Variants in DPP6 observed in about 807,000 individuals in gnomAD.
DPP6 encodes the protein A-type potassium channel modulatory protein DPP6.
Under a neutral mutation model 122.6 loss-of-function variants are expected in DPP6, and 69 were observed. That is an observed-to-expected ratio of 0.56 (90% CI 0.46 to 0.69). The LOEUF is 0.69. DPP6 is among the 30% of genes least tolerant of loss of function. The pLI is 0.00. For synonymous variants in DPP6, 418 were observed against 433.1 expected, an observed-to-expected ratio of 0.97 and a Z score of 0.43; for missense variants, 928 against 1,116.9, an observed-to-expected ratio of 0.83 and a Z score of 2.41.
chr7:154,031,247 C>G (rs1290607431), intron 1 of DPP6, among the ~76,000 whole-genome samples: 1 of 150,290 alleles, frequency 6.7e-6, no homozygotes, highest in Non-Finnish European at 1.5e-5. Flanking sequence ...AACAAGGCTT[C>G]TGTGTTCCTC....
chr7:154,044,945 C>A (rs571115848), intron 1 of DPP6, among the ~76,000 whole-genome samples: 17 of 152,102 alleles, frequency 1.1e-4, no homozygotes, highest in African/African-American at 4.1e-4. Context: ...TGCCAAATTG[C>A]ATATGTTCTG....
the DPP6 span, among the ~76,000 whole-genome samples, chr7:153,806,001 TA>T: frequency 0.27 from 40,866 of 150,918 alleles, 5,956 homozygotes; most frequent in Admixed American, 0.38. Context: ...TAAAGTATAA[TA>T]AAAAAAAATA....
rs1203712414 is a variant in DPP6 at position 154,321,737 on chromosome 7, A to G, written c.244-124477A>G. 4.1e-5 allele frequency among the ~76,000 whole-genome samples: 6 copies of G among 145,062 alleles called. 1 individual carries two copies. In the East Asian group the frequency reaches 1.3e-3, roughly 31 times the overall value. ...AAGGCGGAGGTTGCAGTGAGCTAAGATTGCGCCACTGCACTCCAGCCTGGG... is the reference window on the plus strand; with the variant it reads ...AAGGCGGAGGTTGCAGTGAGCTAAGGTTGCGCCACTGCACTCCAGCCTGGG... On this transcript the variant is annotated intron_variant, in intron 1 of 25. Transcript: ENST00000377770.
intron 2 of DPP6, among the ~76,000 whole-genome samples, chr7:154,456,694 A>G (rs1024561417): frequency 1.3e-5 from 2 of 152,190 alleles, no homozygotes; most frequent in African/African-American, 4.8e-5. Context: ...TAGTTATCCA[A>G]TGGAACCTCA....
chr7:154,700,058 G>A (rs1840431113), intron 7 of DPP6, among the ~76,000 whole-genome samples: 1 of 152,164 alleles, frequency 6.6e-6, no homozygotes, highest in African/African-American at 2.4e-5. Flanking sequence ...GAATTATAAT[G>A]GGGATTAAGT....
At chr7:154,656,021 G>A (rs1400116664) in intron 6 of DPP6, among the ~76,000 whole-genome samples, 3 of 151,884 alleles carry the variant, frequency 2.0e-5, no homozygotes, top group African/African-American at 7.3e-5. Flanking sequence ...GCCCCTCCCA[G>A]TTCTGAAGGC....
At chr7:154,685,144 C>G (rs981077627) in intron 7 of DPP6, among the ~76,000 whole-genome samples, 2 of 152,222 alleles carry the variant, frequency 1.3e-5, no homozygotes, top group East Asian at 3.8e-4. Context: ...TGTAACAGAG[C>G]CAGCATGGCA....
intron 1 of DPP6, among the ~76,000 whole-genome samples, chr7:154,331,336 C>T (rs946723147): frequency 1.3e-4 from 20 of 152,162 alleles, no homozygotes; most frequent in African/African-American, 4.8e-4. Flanking sequence ...CTATGACCTA[C>T]CTGCTGGCAT....
chr7:154,228,836 G>C (rs1365622247), intron 1 of DPP6, among the ~76,000 whole-genome samples: 1 of 152,136 alleles, frequency 6.6e-6, no homozygotes, highest in Admixed American at 6.6e-5. Flanking sequence ...AGGGTCCCTG[G>C]AATTTAGCCA....
intron 1 of DPP6, among the ~76,000 whole-genome samples, chr7:154,090,248 G>A (rs1289066094): frequency 2.0e-5 from 3 of 152,058 alleles, no homozygotes; most frequent in Non-Finnish European, 4.4e-5. Flanking sequence ...TGGGGAGGGG[G>A]TTTCTGCTCT....
chr7:154,516,004 A>G (rs2129884548), intron 3 of DPP6, among the ~76,000 whole-genome samples: 1 of 152,328 alleles, frequency 6.6e-6, no homozygotes, highest in South Asian at 2.1e-4. Flanking sequence ...AATTCGATCC[A>G]TGGTATACAT....
intron 1 of DPP6, among the ~76,000 whole-genome samples, chr7:154,255,826 T>A (rs62485808): frequency 0.21 from 31,561 of 152,142 alleles, 3,382 homozygotes; most frequent in African/African-American, 0.25. Context: ...GGAAAAATTG[T>A]CTGTCAAATA....
the DPP6 span, among the ~76,000 whole-genome samples, chr7:153,879,866 C>T: frequency 1.3e-5 from 2 of 151,914 alleles, no homozygotes; most frequent in Non-Finnish European, 2.9e-5. Flanking sequence ...TATTTATTAC[C>T]TCATTGGAGG....
At chr7:153,754,733 CTCTT>C in the DPP6 span, among the ~76,000 whole-genome samples, 2 of 152,132 alleles carry the variant, frequency 1.3e-5, no homozygotes, top group African/African-American at 4.8e-5. Context: ...ACTTTTCTCT[CTCTT>C]TTTCAGATTT....
chr7:153,813,923 C>T, the DPP6 span, among the ~76,000 whole-genome samples: 1 of 152,006 alleles, frequency 6.6e-6, no homozygotes, highest in Non-Finnish European at 1.5e-5. Context: ...TGGATATTAG[C>T]CCTTTGTCAG....
rs529345359 is a variant in DPP6 at position 154,719,181 on chromosome 7, C to T, written c.763-8586C>T. On this transcript the variant is annotated intron_variant, in intron 7 of 25. Transcript: ENST00000377770. ...TCGAGTACAGAGGCTACTGTGGCGGCGTGTTTGGGTGATTGATGGGCTTCC... is the reference window on the plus strand; with the variant it reads ...TCGAGTACAGAGGCTACTGTGGCGGTGTGTTTGGGTGATTGATGGGCTTCC... Among the ~76,000 whole-genome samples the T allele has an allele frequency of 2.7e-4, 41 of 152,174 alleles. No homozygotes were observed. The South Asian group carries it at 5.2e-3, about 19-fold the overall frequency.
chr7:154,610,536 T>A (rs897817757), intron 5 of DPP6, among the ~76,000 whole-genome samples: 4 of 152,228 alleles, frequency 2.6e-5, no homozygotes, highest in African/African-American at 4.8e-5. Flanking sequence ...ACCTGTCTTA[T>A]GTAGCTAAAA....
intron 1 of DPP6, among the ~76,000 whole-genome samples, chr7:154,307,925 G>C (rs545281413): frequency 8.0e-5 from 12 of 150,486 alleles, no homozygotes; most frequent in African/African-American, 2.4e-4. Flanking sequence ...TTGTGGATTG[G>C]TTTTGAAGCA....
At chr7:154,381,122 C>T (rs1463108557) in intron 1 of DPP6, among the ~76,000 whole-genome samples, 1 of 152,030 alleles carries the variant, frequency 6.6e-6, no homozygotes, top group African/African-American at 2.4e-5. Context: ...CAAAGGTGGG[C>T]GTGGGCACCA....
Sources: gnomAD v4.1 joint callset for allele counts (sites outside exome capture counted in the v4.1 genomes callset) on GRCh38, gnomAD v4.1.1 for gene constraint, MANE v1.5 for transcripts, NCBI Gene and HGNC (gene_info 2026-07-23, HGNC 2026-07-21) for gene names.